The following SLC37A3 variants were observed in gnomAD, a reference collection of about 807,000 sequenced individuals.
SLC37A3 encodes the protein solute carrier family 37 member 3, also known as sugar phosphate exchanger 3.
Under a neutral mutation model 67.1 loss-of-function variants are expected in SLC37A3, and 51 were observed. That is an observed-to-expected ratio of 0.76 (90% CI 0.61 to 0.96). The LOEUF is 0.96. SLC37A3 is among the 40% of genes least tolerant of loss of function. SLC37A3 has a pLI of 0.00. For missense variants in SLC37A3, 508 were observed against 603.0 expected (o/e 0.84, Z 1.65); for synonymous variants, 214 against 231.4 (o/e 0.92, Z 0.68).
chr7:140,394,165 C>T (rs1798829707), intron 1 of SLC37A3, among the ~76,000 whole-genome samples: 1 of 151,442 alleles, frequency 6.6e-6, no homozygotes, highest in South Asian at 2.1e-4. Context: ...AGTGAGACCC[C>T]ATATCAAAAA....
chr7:140,390,413 A>G (rs1356312108), intron 1 of SLC37A3, among the ~76,000 whole-genome samples: 1 of 151,896 alleles, frequency 6.6e-6, no homozygotes, highest in Non-Finnish European at 1.5e-5. Flanking sequence ...CACTTCCCCT[A>G]AGGCCTTTCA....
At chr7:140,398,284 T>C (rs911587475) in intron 1 of SLC37A3, 132 bp downstream of exon 1, 4 of 152,136 alleles carry the variant, frequency 2.6e-5, no homozygotes, top group African/African-American at 9.7e-5. Context: ...CGGCCGACCC[T>C]GCCTGGGCGC....
intron 14 of SLC37A3, 25 bp from the exon 15 acceptor site, chr7:140,335,529 T>C (rs372361316): frequency 6.2e-7 from 1 of 1,607,304 alleles, no homozygotes; most frequent in Admixed American, 1.7e-5. Flanking sequence ...TAGTATTAAA[T>C]ATGCAGCAAC....
intron 13 of SLC37A3, among the ~76,000 whole-genome samples, chr7:140,339,841 A>G (rs1796287611): frequency 1.3e-5 from 2 of 150,842 alleles, no homozygotes; most frequent in South Asian, 2.1e-4. Flanking sequence ...GGTTCACGCC[A>G]TTCTCCTGCC....
intron 7 of SLC37A3, 75 bp from the exon 8 acceptor site, chr7:140,352,221 T>TGGGGTTTGGGGGGGGGG: frequency 1.6e-5 from 1 of 63,752 alleles, no homozygotes; most frequent in Non-Finnish European, 3.0e-5. Flanking sequence ...TAAAGGTGTG[T>TGGGGTTTGGGGGGGGGG]GGGGGAAGGT....
chr7:140,339,710 C>T (rs1796280655), intron 13 of SLC37A3, among the ~76,000 whole-genome samples: 1 of 151,598 alleles, frequency 6.6e-6, no homozygotes, highest in African/African-American at 2.4e-5. Context: ...AATTTCTGCA[C>T]ATCCTTGCCA....
chr7:140,353,770 T>G (rs1048103747), intron 7 of SLC37A3, among the ~76,000 whole-genome samples: 6 of 151,910 alleles, frequency 3.9e-5, no homozygotes, highest in African/African-American at 1.2e-4. Flanking sequence ...TGGAGTGCAA[T>G]GGCATGATCT....
chr7:140,358,540 TG>T, intron 6 of SLC37A3, 99 bp downstream of exon 6: 1 of 1,469,028 alleles, frequency 6.8e-7, no homozygotes, highest in Non-Finnish European at 9.4e-7. Context: ...AAGATGTGGG[TG>T]GTATCTAAGG....
intron 13 of SLC37A3, among the ~76,000 whole-genome samples, chr7:140,341,735 G>A (rs375247973): frequency 5.4e-4 from 82 of 152,266 alleles, no homozygotes; most frequent in African/African-American, 1.9e-3. Flanking sequence ...GAGGCAATCT[G>A]AATAAAAGCA....
rs1418093826 is a variant in SLC37A3, at chr7:140,398,495, G to T, written c.-150C>A. On this transcript the variant is annotated 5_prime_UTR_variant, in exon 1 of 15. Coordinates refer to ENST00000326232, the MANE Select transcript of SLC37A3 (RefSeq NM_207113.3). ...CTTGGCTCCGCTGCCCGCCTCCCCC[G>T]CCGCCAGCTCACCCCTGGCGGTGCG... 1 of 152,028 alleles carries T rather than the reference G, an allele frequency of 6.6e-6. No homozygotes were observed. Among genetic ancestry groups the T allele is most frequent in the African/African-American group, 2.4e-5 (1 of 41,412 alleles). The allele number at this position is 152,028 out of a possible 1,614,324, so 9.4% of individuals were successfully genotyped here.
rs796214081 is a variant in SLC37A3 at position 140,375,171 on chromosome 7, C to A, written c.198+5111G>T. On this transcript the variant is annotated intron_variant, in intron 3 of 14. Transcript: ENST00000326232. ...TCCGCCTCAAAAAAAAAACAAAAAACAACAAAAAAAAAACAGGCTGGGTGC... is the reference window on the plus strand; with the variant it reads ...TCCGCCTCAAAAAAAAAACAAAAAAAAACAAAAAAAAAACAGGCTGGGTGC... Among the ~76,000 whole-genome samples the A allele has an allele frequency of 2.2e-3, 289 of 132,638 alleles. 11 individuals carry two copies. In the South Asian group the frequency reaches 0.037, roughly 17 times the overall value. 87.0% of individuals were successfully genotyped at this position (132,638 alleles called of 152,430 possible).
At chr7:140,345,315 G>T in intron 11 of SLC37A3, 52 bp from the exon 12 acceptor site, 1 of 1,451,036 alleles carries the variant, frequency 6.9e-7, no homozygotes, top group Non-Finnish European at 9.7e-7. Flanking sequence ...CAGACTCCAC[G>T]TGCCTCTGCC....
intron 4 of SLC37A3, among the ~76,000 whole-genome samples, chr7:140,366,615 A>G (rs1433601525): frequency 6.6e-6 from 1 of 152,192 alleles, no homozygotes; most frequent in African/African-American, 2.4e-5. Context: ...AACCAAGTTT[A>G]ACACAGCTAG....
intron 5 of SLC37A3, among the ~76,000 whole-genome samples, chr7:140,363,700 AT>A (rs1228991966): frequency 0.01 from 898 of 88,328 alleles, 9 homozygotes; most frequent in East Asian, 0.024. Flanking sequence ...TAAAAAAAAA[AT>A]AAATAAAAAA....
Position 140,358,782 on chromosome 7 carries a change from A to G in SLC37A3, c.379T>C (p.Phe127Leu). 6.2e-7 allele frequency: 1 copy of G among 1,614,036 alleles called. No homozygotes were observed. Among genetic ancestry groups the G allele is most frequent in the Non-Finnish European group, 8.5e-7 (1 of 1,180,008 alleles). ...CATTCTGTGAGCGCACCAAAGACAA[A>G]CACCTTGAAGAGGAGGAAACAAAAG... ...FGMCSSALVV[F>L]VFGALTEWLR... The change falls in exon 6 of 15, where the codon TTT (phenylalanine) becomes CTT (leucine). Residue 127 changes from phenylalanine to leucine, a missense_variant. Physicochemically the swap from Phe to Leu is conservative, Grantham distance 22. Transcript: ENST00000326232.
At chr7:140,387,736 C>CTA (rs1563053181) in intron 1 of SLC37A3, among the ~76,000 whole-genome samples, 2 of 1,872 alleles carry the variant, frequency 1.1e-3, no homozygotes, top group Non-Finnish European at 2.0e-3. Context: ...TATAAATATA[C>CTA]TATATATTAT....
chr7:140,337,300 T>C lies in SLC37A3; in HGVS notation c.1376A>G (p.Tyr459Cys), dbSNP rs764765343. 18 of 1,598,474 alleles carry C rather than the reference T, an allele frequency of 1.1e-5. No homozygotes were observed. The highest frequency in any genetic ancestry group is 5.2e-5 in the Admixed American group (3 of 57,674). The change falls in exon 14 of 15, where the codon TAC becomes TGC. Residue 459 changes from tyrosine to cysteine, a missense_variant. By Grantham distance (194) the Tyr-to-Cys change is radical (BLOSUM62 -2). Coordinates refer to ENST00000326232, the MANE Select transcript of SLC37A3 (RefSeq NM_207113.3). ...RDKLGWMWVF[Y>C]FFILMTSCTI... ...CACACTTACCATGAGAATGAAAAAG[T>C]AGAAAACCCACATCCATCCTAGCTT...
chr7:140,395,306 C>T (rs923664521), intron 1 of SLC37A3, among the ~76,000 whole-genome samples: 14 of 131,430 alleles, frequency 1.1e-4, no homozygotes, highest in African/African-American at 2.9e-4. Context: ...ACCCGGGAGG[C>T]GGAGGCTGCA....
chr7:140,365,957 A>T (rs1197465447), intron 4 of SLC37A3, among the ~76,000 whole-genome samples: 6 of 41,598 alleles, frequency 1.4e-4, no homozygotes, highest in East Asian at 9.3e-4. Context: ...TTTTTTTTTG[A>T]GACAGAGTCT....
Sources: gnomAD v4.1 joint callset for allele counts (sites outside exome capture counted in the v4.1 genomes callset) on GRCh38, gnomAD v4.1.1 for gene constraint, MANE v1.5 for transcripts, NCBI Gene and HGNC (gene_info 2026-07-23, HGNC 2026-07-21) for gene names.